The following PLXNA4 variants were observed in gnomAD, a reference collection of about 807,000 sequenced individuals.
The protein encoded by PLXNA4 is plexin-A4.
In PLXNA4, 44 loss-of-function variants were observed where a neutral mutation model predicts 191.8. The ratio of observed to expected loss-of-function variants is 0.23; its 90% confidence interval spans 0.18 to 0.29. The LOEUF is 0.29. PLXNA4 is among the 10% of genes least tolerant of loss of function. The pLI is 1.00. For missense variants in PLXNA4, 1,800 were observed against 2,488.8 expected, an observed-to-expected ratio of 0.72 and a Z score of 5.89; for synonymous variants, 1,082 against 1,009.5, an observed-to-expected ratio of 1.07 and a Z score of -1.36.
rs1435016518 is a variant in PLXNA4, at chr7:132,126,665, T to A, written c.*3814A>T. 6.6e-6 allele frequency: 1 copy of A among 151,690 alleles called. No homozygotes were observed. The highest frequency in any genetic ancestry group is 2.4e-5 in the African/African-American group (1 of 41,410). 9.4% of individuals were successfully genotyped at this position (151,690 alleles called of 1,614,324 possible). A position where few individuals can be genotyped will look rare whatever the true frequency, so the allele number is the denominator to read the frequency against. The stretch of plus-strand genomic sequence containing the variant: ...TCTTCCTGGGAACAGTCCTGGACAG[T>A]CTGCCTCAAACTTTGGGATTTATTT... On this transcript the variant is annotated 3_prime_UTR_variant, in exon 32 of 32. Transcript: ENST00000321063.
chr7:132,510,233 G>C (rs1218189529), intron 1 of PLXNA4, among the ~76,000 whole-genome samples: 1 of 152,202 alleles, frequency 6.6e-6, no homozygotes, highest in Non-Finnish European at 1.5e-5. Flanking sequence ...AGAATGAGAA[G>C]AGGTAGATCA....
At chr7:132,563,885 TCTGCTG>T (rs1585353759) in intron 1 of PLXNA4, among the ~76,000 whole-genome samples, 4 of 70,628 alleles carry the variant, frequency 5.7e-5, no homozygotes, top group Non-Finnish European at 8.5e-5. Context: ...TCCTCCTCCT[TCTGCTG>T]CTCCTCCTCC....
intron 2 of PLXNA4, among the ~76,000 whole-genome samples, chr7:132,503,752 C>T (rs1798348370): frequency 6.6e-6 from 1 of 152,232 alleles, no homozygotes; most frequent in African/African-American, 2.4e-5. Flanking sequence ...GCAAATCAGT[C>T]TCAGCTTGAC....
chr7:132,407,825 C>T (rs1048777281), intron 3 of PLXNA4, among the ~76,000 whole-genome samples: 2 of 152,216 alleles, frequency 1.3e-5, no homozygotes, highest in Non-Finnish European at 2.9e-5. Context: ...TTAGAACACA[C>T]AGATTTTATA....
intron 3 of PLXNA4, among the ~76,000 whole-genome samples, chr7:132,464,310 A>G (rs1208209192): frequency 6.6e-6 from 1 of 152,142 alleles, no homozygotes; most frequent in African/African-American, 2.4e-5. Flanking sequence ...AGAGTCTGCC[A>G]TTGTCTTACT....
rs397778925 is a variant in PLXNA4 at position 132,145,915 on chromosome 7, CAAAAAAA to C, written c.5055+588_5055+594del. Among the ~76,000 whole-genome samples the C allele has an allele frequency of 5.8e-3, 534 of 92,378 alleles. 5 individuals are homozygous for C. The highest frequency in any genetic ancestry group is 0.017 in the African/African-American group (396 of 22,820). 60.6% of individuals were successfully genotyped at this position (92,378 alleles called of 152,430 possible). ...TGAAACCCCACCTCTACTAAAAATA[CAAAAAAA>C]AAAAAAAAAAAAAATTAGCCAGGCG... On this transcript the variant is annotated intron_variant, in intron 28 of 31. Coordinates refer to ENST00000321063, the MANE Select transcript of PLXNA4 (RefSeq NM_020911.2).
intron 1 of PLXNA4, among the ~76,000 whole-genome samples, chr7:132,565,814 T>A (rs1213683796): frequency 6.6e-6 from 1 of 152,168 alleles, no homozygotes; most frequent in Admixed American, 6.5e-5. Flanking sequence ...GAAGTGGCAA[T>A]TTCCCAGCAT....
intron 2 of PLXNA4, among the ~76,000 whole-genome samples, chr7:132,604,382 C>T (rs1354424542): frequency 6.6e-6 from 1 of 152,166 alleles, no homozygotes; most frequent in African/African-American, 2.4e-5. Context: ...AAACAGGAGA[C>T]AGGGTAGATA....
Position 132,576,289 on chromosome 7 carries a change from CTGCGTGTGTGCGTG to C in PLXNA4, c.-87+119_-87+132del. On this transcript the variant is annotated intron_variant, in intron 1 of 31. Coordinates refer to ENST00000321063, the MANE Select transcript of PLXNA4 (RefSeq NM_020911.2). The surrounding 1 kb of genome is among the most constrained non-coding windows in gnomAD (Gnocchi z 5.8). ...TGCCGGTGTGGATCTGTGTGTGTGC[CTGCGTGTGTGCGTG>C]TGCGTGTGCCGCGGGCTGGCTCCGG... The C allele has an allele frequency of 3.2e-6, 2 of 632,688 alleles. No individual in the cohort carries two copies. Among genetic ancestry groups the C allele is most frequent in the Non-Finnish European group, 2.0e-6 (1 of 509,636 alleles). 39.2% of individuals were successfully genotyped at this position (632,688 alleles called of 1,614,324 possible). A position where few individuals can be genotyped will look rare whatever the true frequency, so the allele number is the denominator to read the frequency against.
At chr7:132,546,034 G>A (rs1412444455) in intron 1 of PLXNA4, among the ~76,000 whole-genome samples, 1 of 152,224 alleles carries the variant, frequency 6.6e-6, no homozygotes, top group Non-Finnish European at 1.5e-5. Context: ...CAGGGGACTG[G>A]CTTTAACACC....
chr7:132,491,144 C>T (rs958905477), intron 2 of PLXNA4, among the ~76,000 whole-genome samples: 3 of 152,222 alleles, frequency 2.0e-5, no homozygotes, highest in Non-Finnish European at 2.9e-5. Context: ...ATAAAGATGA[C>T]GGAAACAATC....
chr7:132,126,964 AT>A lies in PLXNA4; in HGVS notation c.*3514del, dbSNP rs1563043781. 6.6e-6 allele frequency: 1 copy of A among 152,212 alleles called. No individual in the cohort carries two copies. Among genetic ancestry groups the A allele is most frequent in the African/African-American group, 2.4e-5 (1 of 41,450 alleles). 9.4% of individuals were successfully genotyped at this position (152,212 alleles called of 1,614,324 possible). On this transcript the variant is annotated 3_prime_UTR_variant, in exon 32 of 32. Coordinates refer to ENST00000321063, the MANE Select transcript of PLXNA4 (RefSeq NM_020911.2). ...TGGCACTATTTGCAGCTACCAAGAA[AT>A]GTCAGGGTCTCTCCTTATGGGGAAG...
rs1189286697 is a variant in PLXNA4 at position 132,241,118 on chromosome 7, C to T, written c.1552G>A (p.Glu518Lys). 11 of 1,613,142 alleles carry T rather than the reference C, an allele frequency of 6.8e-6. No homozygotes were observed. Among genetic ancestry groups the T allele is most frequent in the East Asian group, 4.5e-5 (2 of 44,888 alleles). Residue 518 changes from glutamate to lysine, a missense_variant, in exon 5 of 32, where the codon GAG becomes AAG. Glu to Lys is a moderately conservative substitution (Grantham distance 56). This residue lies in a region of PLXNA4 where 1,397 missense variants were observed against 1,880.4 expected (regional missense o/e 0.74). Coordinates refer to ENST00000321063, the MANE Select transcript of PLXNA4 (RefSeq NM_020911.2). Reference sequence around the variant, plus strand: ...TGGGGGTCGCCTGAGCCAAGGCACTCGCCGCAGCTCTGATACTGACCACAG... The same window carrying T: ...TGGGGGTCGCCTGAGCCAAGGCACTTGCCGCAGCTCTGATACTGACCACAG... ...ESCGQYQSCG[E>K]CLGSGDPHCG...
At chr7:132,564,058 C>A (rs118114550) in intron 1 of PLXNA4, among the ~76,000 whole-genome samples, 56,776 of 57,532 alleles carry the variant, frequency 0.99, 28,016 homozygotes, top group East Asian at 0.99. Context: ...CCCCCTCTTT[C>A]TCCTCCTCCT....
At chr7:132,162,025 C>G (rs902982070) in intron 24 of PLXNA4, among the ~76,000 whole-genome samples, 2 of 152,202 alleles carry the variant, frequency 1.3e-5, no homozygotes. Flanking sequence ...AAGTGGTACA[C>G]TCGCTTTCTC....
At chr7:132,641,546 A>T (rs1803743355) in intron 2 of PLXNA4, among the ~76,000 whole-genome samples, 1 of 152,182 alleles carries the variant, frequency 6.6e-6, no homozygotes, top group Admixed American at 6.5e-5. Context: ...GAGCTCCAAC[A>T]TGTGACTTTA....
intron 13 of PLXNA4, among the ~76,000 whole-genome samples, chr7:132,195,611 G>A (rs1190721168): frequency 6.6e-6 from 1 of 151,970 alleles, no homozygotes; most frequent in Non-Finnish European, 1.5e-5. Flanking sequence ...ATCCTTTTAA[G>A]GTTTTTCCAA....
At chr7:132,480,542 G>T (rs951078140) in intron 3 of PLXNA4, among the ~76,000 whole-genome samples, 1 of 151,816 alleles carries the variant, frequency 6.6e-6, no homozygotes, top group East Asian at 1.9e-4. Context: ...GGACAATTCC[G>T]GTGAGAAACC....
intron 9 of PLXNA4, among the ~76,000 whole-genome samples, chr7:132,211,363 C>T (rs928327640): frequency 1.2e-4 from 18 of 152,242 alleles, no homozygotes; most frequent in Admixed American, 5.2e-4. Context: ...GTGGTCCCCA[C>T]CCTCTTTGGG....
Sources: allele counts gnomAD v4.1 joint callset (sites outside exome capture counted in the v4.1 genomes callset), GRCh38; gene constraint gnomAD v4.1.1; regional missense constraint gnomAD v4.1.1; non-coding constraint Gnocchi (gnomAD v3.1); transcripts MANE v1.5; gene names NCBI Gene and HGNC (gene_info 2026-07-23, HGNC 2026-07-21).